The following RMND5A variants were observed in gnomAD, a reference collection of about 807,000 sequenced individuals.
RMND5A encodes required for meiotic nuclear division 5 homolog A, also known as E3 ubiquitin-protein transferase RMND5A.
A neutral mutation model predicts 49.7 loss-of-function variants in RMND5A; 17 were observed. The observed-to-expected ratio is 0.34, with a 90% CI of 0.23 to 0.51. RMND5A has a LOEUF of 0.51. RMND5A is among the 20% of genes least tolerant of loss of function. RMND5A has a pLI of 0.96. For missense variants in RMND5A, 255 were observed against 471.3 expected (o/e 0.54, Z 4.25); for synonymous variants, 156 against 167.7 (o/e 0.93, Z 0.54).
chr2:86,768,879 A>G (rs1244855729), intron 6 of RMND5A, among the ~76,000 whole-genome samples: 1 of 152,248 alleles, frequency 6.6e-6, no homozygotes, highest in Admixed American at 6.5e-5. Flanking sequence ...AGCTGAGCCC[A>G]TTAAATCCAG....
chr2:86,767,209 G>A (rs1672613248), intron 6 of RMND5A, among the ~76,000 whole-genome samples: 4 of 151,974 alleles, frequency 2.6e-5, no homozygotes, highest in African/African-American at 7.3e-5. Context: ...GATTACAGGC[G>A]CCTGCCACCA....
chr2:86,766,661 CAAAAAAAAA>C (rs59511898), intron 6 of RMND5A, among the ~76,000 whole-genome samples: 13 of 77,012 alleles, frequency 1.7e-4, no homozygotes, highest in South Asian at 4.3e-4. Context: ...GAGACTGTCT[CAAAAAAAAA>C]AAAAAAAAAA....
chr2:86,723,912 T>C (rs1681257682), intron 1 of RMND5A, among the ~76,000 whole-genome samples: 1 of 151,522 alleles, frequency 6.6e-6, no homozygotes, highest in African/African-American at 2.4e-5. Context: ...AGCTTGAAAT[T>C]CTTTTACATA....
Position 86,720,768 on chromosome 2 carries a change from A to G in RMND5A, c.101A>G (p.Asp34Gly). The change falls in exon 1 of 9, where the codon GAC becomes GGC. Residue 34 changes from aspartate (D) to glycine (G), a missense_variant. By Grantham distance (94) the Asp-to-Gly change is moderately conservative. Transcript: ENST00000283632. ...LCERGLEELI[D>G]YTGGLKHEIL... ...GAGCGCGGCCTGGAGGAGCTCATCG[A>G]CTACACCGGCGGCCTCAAGCACGAG... The G allele has an allele frequency of 1.9e-6, 3 of 1,595,898 alleles. No individual in the cohort carries two copies. The highest frequency in any genetic ancestry group is 2.6e-6 in the Non-Finnish European group (3 of 1,172,138).
chr2:86,768,789 C>T (rs1401014749), intron 6 of RMND5A, among the ~76,000 whole-genome samples: 2 of 152,116 alleles, frequency 1.3e-5, no homozygotes, highest in African/African-American at 4.8e-5. Context: ...AGTGCTTCCA[C>T]CCTGGACAGG....
chr2:86,753,433 GTTCT>G (rs750889974), intron 3 of RMND5A, 21 bp from the exon 4 acceptor site: 168 of 1,419,342 alleles, frequency 1.2e-4, no homozygotes, highest in East Asian at 2.1e-4. Context: ...GCTAACAAAA[GTTCT>G]TTCTTTCTTT....
rs1458311799 is a variant in RMND5A at position 86,769,103 on chromosome 2, A to T, written c.855-920A>T. Among the ~76,000 whole-genome samples the T allele has an allele frequency of 3.3e-5, 5 of 152,078 alleles. No individual in the cohort carries two copies. In the East Asian group the frequency reaches 9.6e-4, roughly 29 times the overall value. ...TAGGCACATGCTACCATACCTGGCT[A>T]ATGGCTAATTTTTATATCTTTTGTA... On this transcript the variant is annotated intron_variant, in intron 6 of 8. Coordinates refer to ENST00000283632, the MANE Select transcript of RMND5A (RefSeq NM_022780.4).
intron 7 of RMND5A, chr2:86,771,151 T>G (rs1250632281): frequency 6.3e-6 from 1 of 159,624 alleles, no homozygotes; most frequent in Non-Finnish European, 1.4e-5. Flanking sequence ...CTTGAACAAG[T>G]GAAAAGAACT....
intron 4 of RMND5A, among the ~76,000 whole-genome samples, chr2:86,758,502 A>C (rs1184116902): frequency 6.6e-6 from 1 of 152,208 alleles, no homozygotes; most frequent in Non-Finnish European, 1.5e-5. Context: ...TATCCGTTGC[A>C]CATTATTTTG....
intron 6 of RMND5A, among the ~76,000 whole-genome samples, chr2:86,766,644 A>G (rs1485253276): frequency 6.8e-6 from 1 of 146,714 alleles, no homozygotes; most frequent in Non-Finnish European, 1.5e-5. Flanking sequence ...AGCCCGTGCA[A>G]CAATGCGAGA....
chr2:86,745,552 C>T (rs986960614), intron 2 of RMND5A, among the ~76,000 whole-genome samples: 3 of 152,044 alleles, frequency 2.0e-5, no homozygotes, highest in Non-Finnish European at 4.4e-5. Context: ...AGTGACTGCT[C>T]CTGTTGGGAA....
intron 4 of RMND5A, among the ~76,000 whole-genome samples, chr2:86,758,763 C>T (rs1681791295): frequency 6.6e-6 from 1 of 152,202 alleles, no homozygotes; most frequent in Non-Finnish European, 1.5e-5. Flanking sequence ...TGAAAAATTA[C>T]CATTTGAAAA....
intron 4 of RMND5A, among the ~76,000 whole-genome samples, chr2:86,756,336 T>G (rs1681739708): frequency 6.6e-6 from 1 of 152,128 alleles, no homozygotes; most frequent in African/African-American, 2.4e-5. Context: ...GAGTCTGCAG[T>G]GAACCAAGAC....
At position 86,777,920 on chromosome 2, in the gene RMND5A, GAT is replaced by G. The variant is rs1672796413; in HGVS notation, c.*4513_*4514del. The G allele has an allele frequency of 1.3e-5, 2 of 152,156 alleles. No homozygotes were observed. The highest frequency in any genetic ancestry group is 4.1e-4 in the South Asian group (2 of 4,834). 9.4% of individuals were successfully genotyped at this position (152,156 alleles called of 1,614,324 possible). On this transcript the variant is annotated 3_prime_UTR_variant, in exon 9 of 9. Transcript: ENST00000283632. ...ATATTTAATTTATAAATTTCGGACT[GAT>G]ATAATAGAGTTTTGGAAAACTATAA...
intron 2 of RMND5A, among the ~76,000 whole-genome samples, chr2:86,742,991 T>G (rs1343079246): frequency 2.6e-5 from 4 of 152,192 alleles, no homozygotes; most frequent in East Asian, 3.9e-4. Context: ...TTTCTGCAGC[T>G]GGTAGGCTGA....
At chr2:86,765,726 C>T in intron 5 of RMND5A, 133 bp from the exon 6 acceptor site, 1 of 708,690 alleles carries the variant, frequency 1.4e-6, no homozygotes, top group Non-Finnish European at 2.3e-6. Flanking sequence ...AGAAACCAAG[C>T]TTAAGGACCA....
At chr2:86,765,312 CACTT>C (rs1484954882) in intron 5 of RMND5A, 119 bp downstream of exon 5, 2 of 880,696 alleles carry the variant, frequency 2.3e-6, no homozygotes, top group Admixed American at 3.1e-5. Context: ...AGTTGATAAT[CACTT>C]ACAGGAAAAG....
chr2:86,757,174 C>CAAAAAAAAAAAAAAA (rs60710494), intron 4 of RMND5A, among the ~76,000 whole-genome samples: 6 of 97,970 alleles, frequency 6.1e-5, no homozygotes, highest in African/African-American at 2.4e-4. Context: ...AACTCAGTCT[C>CAAAAAAAAAAAAAAA]AAAAAAAAAA....
chr2:86,750,756 G>T (rs1250697473), intron 2 of RMND5A, among the ~76,000 whole-genome samples: 4 of 140,648 alleles, frequency 2.8e-5, no homozygotes, highest in Non-Finnish European at 6.1e-5. Context: ...TTTTCCCACA[G>T]GTCCCTGAGG....
Sources: gnomAD v4.1 joint callset for allele counts (sites outside exome capture counted in the v4.1 genomes callset) on GRCh38, gnomAD v4.1.1 for gene constraint, MANE v1.5 for transcripts, NCBI Gene and HGNC (gene_info 2026-07-23, HGNC 2026-07-21) for gene names.